INTS1: variants seen among roughly 807,000 people sequenced by gnomAD.
The protein encoded by INTS1 is integrator complex subunit 1.
A neutral mutation model predicts 241.6 loss-of-function variants in INTS1; 137 were observed. The ratio of observed to expected loss-of-function variants is 0.57; its 90% confidence interval spans 0.49 to 0.65. The LOEUF is 0.65. Ranked by LOEUF, INTS1 falls within the 30% of genes least tolerant of loss-of-function variation. The pLI is 0.00. For missense variants in INTS1, 3,073 were observed against 3,032.2 expected (o/e 1.01, Z -0.32); for synonymous variants, 1,692 against 1,337.8 (o/e 1.26, Z -5.78).
chr7:1,477,086 CT>C lies in INTS1; in HGVS notation c.4939-169del, dbSNP rs564732613. Among the ~76,000 whole-genome samples the C allele has an allele frequency of 1.1e-4, 16 of 152,312 alleles. No individual in the cohort carries two copies. The South Asian group carries it at 3.1e-3, about 30-fold the overall frequency. On this transcript the variant is annotated intron_variant, in intron 35 of 47. Coordinates refer to ENST00000404767, the MANE Select transcript of INTS1 (RefSeq NM_001080453.3). ...TGGAGGGCCGCTCCTGGTGGCTGCGCTGCATCTCCCCGCCCCTTCCCACGGG... is the reference window on the plus strand; with the variant it reads ...TGGAGGGCCGCTCCTGGTGGCTGCGCGCATCTCCCCGCCCCTTCCCACGGG...
chr7:1,503,297 A>G (rs1447685790), intron 2 of INTS1, 106 bp from the exon 3 acceptor site: 2 of 1,238,428 alleles, frequency 1.6e-6, no homozygotes, highest in East Asian at 4.8e-5. Context: ...CAAGGGTCAG[A>G]GGAGGCAAGG....
In INTS1 at chr7:1,497,837, G is replaced by T. The variant is rs1157430706; in HGVS notation, c.1426-523C>A. ...GGCGATGGGAGCATCTCCCGAGCCC[G>T]CTTCAAAGGAGACACGGAAATCCAA... On this transcript the variant is annotated intron_variant, in intron 10 of 47. Transcript: ENST00000404767. This position sits in a 1 kb window ranked among gnomAD's most constrained non-coding sequence, Gnocchi z 5.3. Among the ~76,000 whole-genome samples, 1 of 152,224 alleles carries T rather than the reference G, an allele frequency of 6.6e-6. No individual in the cohort carries two copies. The highest frequency in any genetic ancestry group is 1.5e-5 in the Non-Finnish European group (1 of 68,054).
At chr7:1,484,465 G>T (rs1782151791) in intron 24 of INTS1, among the ~76,000 whole-genome samples, 1 of 152,194 alleles carries the variant, frequency 6.6e-6, no homozygotes, top group Non-Finnish European at 1.5e-5. Context: ...CATTCCCTGA[G>T]GACTCGGGCC....
At chr7:1,472,759 G>A (rs1054107290) in intron 43 of INTS1, among the ~76,000 whole-genome samples, 4 of 151,672 alleles carry the variant, frequency 2.6e-5, no homozygotes, top group Non-Finnish European at 5.9e-5. Context: ...TAGGACCAGG[G>A]GAGGCTTCCT....
At chr7:1,495,259 A>T (rs116209218) in intron 13 of INTS1, among the ~76,000 whole-genome samples, 174 bp downstream of exon 13, 5,294 of 152,062 alleles carry the variant, frequency 0.035, 312 homozygotes, top group African/African-American at 0.12. Context: ...GAGAGGGGAC[A>T]GACTCCCGTG....
Position 1,495,519 on chromosome 7 carries a change from A to G in INTS1, c.1746T>C (p.Ile582=). The change falls in exon 13 of 48, where the codon ATT becomes ATC. Residue 582 remains isoleucine, a synonymous_variant. Transcript: ENST00000404767. ...AGACGGCATCCCGCTGGATGGCGGC[A>G]ATCTGGTTCTGGAATGAGCGGAGCA... ...LEVLRSFQNQ[I]AAIQRDAVWW... The G allele has an allele frequency of 1.2e-6, 2 of 1,612,488 alleles. No individual in the cohort carries two copies. Among genetic ancestry groups the G allele is most frequent in the Non-Finnish European group, 1.7e-6 (2 of 1,179,664 alleles).
rs1190861712 is a variant in INTS1 at position 1,499,684 on chromosome 7, T to C, written c.685-52A>G. ...CGAGCCCAGCCGGGCAGCAGCCAGG[T>C]TGGGGAACACCCGCCTGCTGCCCGG... On this transcript the variant is annotated intron_variant, in intron 5 of 47. Coordinates refer to ENST00000404767, the MANE Select transcript of INTS1 (RefSeq NM_001080453.3). The C allele has an allele frequency of 1.2e-5, 18 of 1,551,170 alleles. No individual in the cohort carries two copies. In the Admixed American group the frequency reaches 1.7e-4, roughly 14 times the overall value.
intron 33 of INTS1, 68 bp from the exon 34 acceptor site, chr7:1,478,004 G>T: frequency 7.4e-7 from 1 of 1,343,988 alleles, no homozygotes; most frequent in Non-Finnish European, 1.1e-6. Context: ...GTGGGTGTGG[G>T]CTAGCCAGGG....
At position 1,483,745 on chromosome 7, in the gene INTS1, G is replaced by T; in HGVS notation, c.3538C>A (p.Arg1180=). 1 of 1,609,944 alleles carries T rather than the reference G, an allele frequency of 6.2e-7. No individual in the cohort carries two copies. The change falls in exon 26 of 48, where the codon CGA becomes AGA. Residue 1180 remains arginine, a synonymous_variant. Coordinates refer to ENST00000404767, the MANE Select transcript of INTS1 (RefSeq NM_001080453.3). The part of the protein sequence containing the change: ...MVILLTLGPP[R]ADDSEFQALL... ...CCCGGGGCCTGTGGCGGCTCACCTC[G>T]AGGCGGGCCCAGCGTCAGCAGGATC...
Position 1,503,979 on chromosome 7 carries a change from G to T in INTS1, c.-19C>A. ...GGTTCATCCTGCCCCGTCCCTCGCG[G>T]CTCCCGGCGGCTGCGGCGTCACCTG... is the stretch of plus-strand genomic sequence containing the variant. On this transcript the variant is annotated 5_prime_UTR_variant, in exon 2 of 48. Transcript: ENST00000404767. The T allele has an allele frequency of 6.5e-7, 1 of 1,538,946 alleles. No homozygotes were observed.
Position 1,476,360 on chromosome 7 carries a change from G to C in INTS1, c.5247C>G (p.Asp1749Glu). 6 of 1,577,150 alleles carry C rather than the reference G, an allele frequency of 3.8e-6. No homozygotes were observed. Among genetic ancestry groups the C allele is most frequent in the Non-Finnish European group, 5.1e-6 (6 of 1,165,088 alleles). The change falls in exon 38 of 48, where the codon GAC (aspartate) becomes GAG (glutamate). Residue 1749 changes from aspartate (D) to glutamate (E), a missense_variant. By Grantham distance (45) the Asp-to-Glu change is conservative. Coordinates refer to ENST00000404767, the MANE Select transcript of INTS1 (RefSeq NM_001080453.3). ...ILAEAETRSQ[D>E]GDTAACSLIQ... ...TGAGGCTGCAGGCGGCTGTGTCCCC[G>C]TCCTGGCTCCGCGTCTCCGCCTCGG...
chr7:1,504,287 G>A (rs1783357056), intron 1 of INTS1, 36 bp downstream of exon 1: 1 of 563,708 alleles, frequency 1.8e-6, no homozygotes, highest in African/African-American at 2.0e-5. Context: ...GCGCTCGCCC[G>A]GCAATGAGGA....
At chr7:1,489,830 G>T in intron 16 of INTS1, 148 bp from the exon 17 acceptor site, 1 of 588,898 alleles carries the variant, frequency 1.7e-6, no homozygotes, top group South Asian at 2.3e-5. Context: ...GTCCAAGCAT[G>T]TGCATCAGCC....
intron 16 of INTS1, among the ~76,000 whole-genome samples, chr7:1,490,439 C>T (rs1161967861): frequency 1.3e-5 from 2 of 152,218 alleles, no homozygotes; most frequent in Non-Finnish European, 2.9e-5. Context: ...AGGGTGTTGG[C>T]TCCGGATAAA....
Position 1,494,777 on chromosome 7 carries a change from A to G in INTS1, c.1910+39T>C, listed in dbSNP as rs375392252. ...GGCCCGGCACCCCGCAGCCCCGCCCAGCCCGGCACACAGGAGCCCCAGGCG... is the reference window on the plus strand; with the variant it reads ...GGCCCGGCACCCCGCAGCCCCGCCCGGCCCGGCACACAGGAGCCCCAGGCG... On this transcript the variant is annotated intron_variant, in intron 14 of 47. Coordinates refer to ENST00000404767, the MANE Select transcript of INTS1 (RefSeq NM_001080453.3). The G allele has an allele frequency of 1.7e-5, 26 of 1,541,968 alleles. 1 individual carries two copies. In the African/African-American group the frequency reaches 2.9e-4, roughly 17 times the overall value.
At position 1,498,845 on chromosome 7, in the gene INTS1, C is replaced by T. The variant is rs1782994531; in HGVS notation, c.1145G>A (p.Arg382Gln). 2 of 1,603,346 alleles carry T rather than the reference C, an allele frequency of 1.2e-6. No homozygotes were observed. Among genetic ancestry groups the T allele is most frequent in the South Asian group, 1.1e-5 (1 of 88,668 alleles). ...GGACATCAGCAGGTCCTGGGCCGGCCGGGTCAGCTGCGGGGCCGAGGAGGG... is the reference window on the plus strand; with the variant it reads ...GGACATCAGCAGGTCCTGGGCCGGCTGGGTCAGCTGCGGGGCCGAGGAGGG... The part of the protein sequence containing the change: ...EMWLQNPKLT[R>Q]PAQDLLMSVC... Residue 382 changes from arginine to glutamine, a missense_variant, in exon 9 of 48, where the codon CGG becomes CAG. Physicochemically the swap from Arg to Gln is conservative, Grantham distance 43. Coordinates refer to ENST00000404767, the MANE Select transcript of INTS1 (RefSeq NM_001080453.3).
At chr7:1,498,377 G>A (rs775219206) in intron 10 of INTS1, 35 bp downstream of exon 10, 39 of 1,610,818 alleles carry the variant, frequency 2.4e-5, no homozygotes, top group South Asian at 1.4e-4. Flanking sequence ...CCCATATTCC[G>A]GCGTGGAGGG....
chr7:1,492,330 G>T (rs1782593089), intron 16 of INTS1, among the ~76,000 whole-genome samples: 1 of 152,134 alleles, frequency 6.6e-6, no homozygotes, highest in Admixed American at 6.6e-5. Context: ...CCCGGGGAAG[G>T]AGGCTGGTCA....
chr7:1,496,134 C>G (rs781421832), intron 12 of INTS1, 22 bp downstream of exon 12: 3 of 1,600,604 alleles, frequency 1.9e-6, no homozygotes, highest in Admixed American at 3.3e-5. Context: ...CAAGCAGGGC[C>G]AGGCCACCCC....
Sources: gnomAD v4.1 joint callset for allele counts (sites outside exome capture counted in the v4.1 genomes callset) on GRCh38, gnomAD v4.1.1 for gene constraint, Gnocchi (gnomAD v3.1) non-coding constraint, MANE v1.5 for transcripts, NCBI Gene and HGNC (gene_info 2026-07-23, HGNC 2026-07-21) for gene names.